BCKDHB: variants seen among roughly 807,000 people sequenced by gnomAD.
BCKDHB encodes the protein branched chain keto acid dehydrogenase E1 subunit beta, also known as 2-oxoisovalerate dehydrogenase subunit beta, mitochondrial.
A neutral mutation model predicts 48.5 loss-of-function variants in BCKDHB; 41 were observed. That is an observed-to-expected ratio of 0.85 (90% CI 0.66 to 1.10). The LOEUF is 1.10. Among genes scored for constraint, BCKDHB ranks in the 50% least tolerant of loss-of-function variants. The pLI, the probability that BCKDHB is intolerant of heterozygous loss-of-function variation, is 0.00. For missense variants in BCKDHB, 496 were observed against 494.2 expected, an observed-to-expected ratio of 1.00 and a Z score of -0.03; for synonymous variants, 201 against 174.8, an observed-to-expected ratio of 1.15 and a Z score of -1.18.
intron 8 of BCKDHB, among the ~76,000 whole-genome samples, chr6:80,230,521 C>T (rs1315664718): frequency 5.3e-5 from 8 of 152,104 alleles, no homozygotes; most frequent in Admixed American, 2.0e-4. Flanking sequence ...AATTTTTTTT[C>T]TATAAAGAGC....
At chr6:80,178,067 G>C (rs1278250592) in intron 6 of BCKDHB, among the ~76,000 whole-genome samples, 1 of 152,160 alleles carries the variant, frequency 6.6e-6, no homozygotes, top group Admixed American at 6.5e-5. Context: ...TACCCAATGT[G>C]GTTCTGAAGG....
At position 80,273,352 on chromosome 6, in the gene BCKDHB, CTGTGA is replaced by C. The variant is rs527503644; in HGVS notation, c.1038+133_1038+137del. The C allele has an allele frequency of 7.9e-5, 58 of 732,230 alleles. No homozygotes were observed. The Admixed American group carries it at 1.2e-3, about 16-fold the overall frequency. The allele number at this position is 732,230 out of a possible 1,614,324, so 45.4% of individuals were successfully genotyped here. A position where few individuals can be genotyped will look rare whatever the true frequency, so the allele number is the denominator to read the frequency against. On this transcript the variant is annotated intron_variant, in intron 9 of 9. Transcript: ENST00000320393. ...GAAATGTAGTGCATGCTTTCATATA[CTGTGA>C]TAAGTAAATTTTTTTTCATTTTTTA...
chr6:80,464,290 C>T, the BCKDHB span, among the ~76,000 whole-genome samples: 5 of 151,892 alleles, frequency 3.3e-5, no homozygotes, highest in Non-Finnish European at 5.9e-5. Context: ...CCACGCCCGG[C>T]TAATTTTTTT....
At chr6:80,173,211 C>G (rs996989655) in intron 6 of BCKDHB, among the ~76,000 whole-genome samples, 1 of 152,134 alleles carries the variant, frequency 6.6e-6, no homozygotes, top group African/African-American at 2.4e-5. Context: ...TTGTCCTAGG[C>G]TTGGCCCTGG....
chr6:80,392,780 A>C, the BCKDHB span, among the ~76,000 whole-genome samples: 1 of 151,630 alleles, frequency 6.6e-6, no homozygotes, highest in African/African-American at 2.4e-5. Context: ...ACAGCCTATA[A>C]CAAAGAATAG....
intron 3 of BCKDHB, among the ~76,000 whole-genome samples, chr6:80,160,490 C>T (rs979370035): frequency 6.6e-6 from 1 of 152,082 alleles, no homozygotes; most frequent in Non-Finnish European, 1.5e-5. Flanking sequence ...CCCTCTTTTC[C>T]CTATTTTTCT....
At position 80,106,691 on chromosome 6, in the gene BCKDHB, G is replaced by C. The variant is rs1172681965; in HGVS notation, c.-3G>C. The C allele has an allele frequency of 9.0e-6, 14 of 1,554,410 alleles. No individual in the cohort carries two copies. Among genetic ancestry groups the C allele is most frequent in the Non-Finnish European group, 1.2e-5 (14 of 1,149,808 alleles). On this transcript the variant is annotated 5_prime_UTR_variant, in exon 1 of 10. Coordinates refer to ENST00000320393, the MANE Select transcript of BCKDHB (RefSeq NM_183050.4). The stretch of plus-strand genomic sequence containing the variant: ...AGCCTGAGAATCCCGGTGGTGAGCG[G>C]GGATGGCGGTTGTAGCGGCGGCTGC...
Position 80,217,209 on chromosome 6 carries a change from C to G in BCKDHB, c.951+13997C>G, listed in dbSNP as rs575489085. On this transcript the variant is annotated intron_variant, in intron 8 of 9. Coordinates refer to ENST00000320393, the MANE Select transcript of BCKDHB (RefSeq NM_183050.4). ...TGAGCCGAGACTGTGCCATTGTACT[C>G]CAGCCTGGGCAGCAAGAGTGAAATT... 2.6e-4 allele frequency among the ~76,000 whole-genome samples: 39 copies of G among 152,092 alleles called. 1 individual carries two copies. The South Asian group carries it at 8.1e-3, about 32-fold the overall frequency.
At chr6:80,384,766 TTATATATATC>T in the BCKDHB span, among the ~76,000 whole-genome samples, 1 of 152,080 alleles carries the variant, frequency 6.6e-6, no homozygotes, top group South Asian at 2.1e-4. Flanking sequence ...AAATTCCTCT[TTATATATATC>T]TTATTAGTTC....
the BCKDHB span, among the ~76,000 whole-genome samples, chr6:80,397,192 C>T: frequency 6.6e-6 from 1 of 152,300 alleles, no homozygotes; most frequent in African/African-American, 2.4e-5. Context: ...GGTCTATCTG[C>T]TTCCTTTATA....
chr6:80,256,665 C>G (rs1264240635), intron 8 of BCKDHB, among the ~76,000 whole-genome samples: 3 of 152,104 alleles, frequency 2.0e-5, no homozygotes, highest in African/African-American at 7.2e-5. Context: ...TTAACAGTCT[C>G]AGGTAGTTCT....
At chr6:80,390,242 A>G in the BCKDHB span, among the ~76,000 whole-genome samples, 7 of 152,288 alleles carry the variant, frequency 4.6e-5, no homozygotes, top group African/African-American at 1.4e-4. Flanking sequence ...ATTAAGGTCA[A>G]TGGGAAGCTA....
chr6:80,318,341 C>T (rs1236853724), intron 9 of BCKDHB, among the ~76,000 whole-genome samples: 1 of 151,948 alleles, frequency 6.6e-6, no homozygotes, highest in African/African-American at 2.4e-5. Context: ...ACAGTTGGTC[C>T]TCTGTATGTA....
intron 8 of BCKDHB, among the ~76,000 whole-genome samples, chr6:80,244,431 C>T (rs1776520709): frequency 6.6e-6 from 1 of 152,180 alleles, no homozygotes; most frequent in African/African-American, 2.4e-5. Flanking sequence ...GCTCATAAAT[C>T]AAATTGTGAG....
At chr6:80,352,040 C>T in the BCKDHB span, among the ~76,000 whole-genome samples, 3 of 152,128 alleles carry the variant, frequency 2.0e-5, no homozygotes, top group Non-Finnish European at 2.9e-5. Context: ...AGGCTGGTCT[C>T]GAACTCCCGA....
chr6:80,116,580 G>T (rs1769715488), intron 1 of BCKDHB, among the ~76,000 whole-genome samples: 1 of 152,122 alleles, frequency 6.6e-6, no homozygotes, highest in Non-Finnish European at 1.5e-5. Context: ...CAGTGCTGAT[G>T]ACCTGCATAT....
At chr6:80,171,570 A>C (rs916291135) in intron 6 of BCKDHB, among the ~76,000 whole-genome samples, 180 bp downstream of exon 6, 2 of 152,040 alleles carry the variant, frequency 1.3e-5, no homozygotes, top group Admixed American at 1.3e-4. Flanking sequence ...GGAAAAATTC[A>C]TCTAGCCATT....
chr6:80,440,594 T>A, the BCKDHB span: 3 of 152,064 alleles, frequency 2.0e-5, no homozygotes, highest in Non-Finnish European at 4.4e-5. Context: ...AGATGTAATT[T>A]ACTTCTGTTT....
intron 9 of BCKDHB, among the ~76,000 whole-genome samples, chr6:80,309,872 G>A (rs143346493): frequency 4.5e-4 from 68 of 152,274 alleles, no homozygotes; most frequent in African/African-American, 1.3e-3. Flanking sequence ...CAGCCCTCAA[G>A]TAGGCCTCAG....
Sources: allele counts gnomAD v4.1 joint callset (sites outside exome capture counted in the v4.1 genomes callset), GRCh38; gene constraint gnomAD v4.1.1; transcripts MANE v1.5; gene names NCBI Gene and HGNC (gene_info 2026-07-23, HGNC 2026-07-21).